Variants in SLC35F1 observed in about 807,000 individuals in gnomAD.
SLC35F1 encodes solute carrier family 35 member F1, also known as chromosome 6 open reading frame 169.
SLC35F1 carries 14 observed loss-of-function variants against 48.7 expected under a neutral mutation model. That is an observed-to-expected ratio of 0.29 (90% CI 0.19 to 0.45). The LOEUF (loss-of-function observed/expected upper bound fraction) is 0.45, where lower values mean the gene tolerates loss of function less well. Ranked by LOEUF, SLC35F1 falls within the 20% of genes least tolerant of loss-of-function variation. The pLI is 1.00. For synonymous variants in SLC35F1, 190 were observed against 202.2 expected (o/e 0.94, Z 0.51); for missense variants, 404 against 500.0 (o/e 0.81, Z 1.83).
At chr6:117,993,227 C>A (rs1301398297) in intron 1 of SLC35F1, among the ~76,000 whole-genome samples, 1 of 152,148 alleles carries the variant, frequency 6.6e-6, no homozygotes, top group Non-Finnish European at 1.5e-5. Flanking sequence ...GGAGCCTGAA[C>A]AGCAGCATCC....
At chr6:118,075,352 T>C (rs75140561) in intron 1 of SLC35F1, among the ~76,000 whole-genome samples, 2 of 152,364 alleles carry the variant, frequency 1.3e-5, no homozygotes, top group East Asian at 3.9e-4. Context: ...AAACTAGTGT[T>C]ATTTCCGAAA....
chr6:118,295,626 A>G (rs761484546), intron 7 of SLC35F1, among the ~76,000 whole-genome samples: 7 of 152,210 alleles, frequency 4.6e-5, no homozygotes, highest in Non-Finnish European at 1.0e-4. Flanking sequence ...GTGGCAGCTG[A>G]TGAGCATAAT....
intron 1 of SLC35F1, among the ~76,000 whole-genome samples, chr6:117,964,091 T>C (rs925065845): frequency 6.6e-6 from 1 of 152,218 alleles, no homozygotes; most frequent in African/African-American, 2.4e-5. Flanking sequence ...TTTCTGTTCT[T>C]GTGTTAGTTT....
At chr6:118,242,592 G>A (rs1046828826) in intron 3 of SLC35F1, among the ~76,000 whole-genome samples, 1 of 152,194 alleles carries the variant, frequency 6.6e-6, no homozygotes, top group Non-Finnish European at 1.5e-5. Context: ...AGATTGTGCT[G>A]TGACTTTGAG....
At chr6:118,148,855 T>A (rs1774013723) in intron 1 of SLC35F1, among the ~76,000 whole-genome samples, 1 of 152,196 alleles carries the variant, frequency 6.6e-6, no homozygotes, top group Non-Finnish European at 1.5e-5. Flanking sequence ...AGCTTATTAA[T>A]CTCAATGTCT....
At chr6:118,051,100 G>A (rs1014788121) in intron 1 of SLC35F1, among the ~76,000 whole-genome samples, 1 of 152,100 alleles carries the variant, frequency 6.6e-6, no homozygotes, top group Non-Finnish European at 1.5e-5. Flanking sequence ...CTAAATAAGT[G>A]TAGGAAATGA....
intron 1 of SLC35F1, among the ~76,000 whole-genome samples, chr6:118,130,015 G>C (rs1365780719): frequency 6.6e-6 from 1 of 152,112 alleles, no homozygotes; most frequent in East Asian, 1.9e-4. Context: ...TTAGGTTATG[G>C]CTTCTAAACT....
At chr6:118,105,258 T>A (rs11967448) in intron 1 of SLC35F1, among the ~76,000 whole-genome samples, 10,505 of 152,198 alleles carry the variant, frequency 0.069, 996 homozygotes, top group African/African-American at 0.21. Flanking sequence ...TGGTAATTGG[T>A]TCACAAGCCT....
At chr6:118,189,439 C>T (rs1774702819) in intron 2 of SLC35F1, among the ~76,000 whole-genome samples, 1 of 152,060 alleles carries the variant, frequency 6.6e-6, no homozygotes, top group African/African-American at 2.4e-5. Context: ...AGGTACTTTG[C>T]CCATTTTTAA....
chr6:117,970,342 A>T (rs182848273), intron 1 of SLC35F1, among the ~76,000 whole-genome samples: 1 of 152,368 alleles, frequency 6.6e-6, no homozygotes, highest in Non-Finnish European at 1.5e-5. Context: ...AGCCTCTGTT[A>T]TTCATGACAA....
At chr6:117,908,726 A>T (rs1394532326) in intron 1 of SLC35F1, among the ~76,000 whole-genome samples, 1 of 152,194 alleles carries the variant, frequency 6.6e-6, no homozygotes, top group Non-Finnish European at 1.5e-5. Context: ...TGTGAAAGGG[A>T]CTTTTTCTAC....
intron 1 of SLC35F1, among the ~76,000 whole-genome samples, chr6:118,078,987 G>T (rs1772866092): frequency 1.3e-5 from 2 of 152,108 alleles, no homozygotes; most frequent in East Asian, 1.9e-4. Context: ...TGGTCCTTTT[G>T]TCAGGCCACT....
At chr6:118,210,980 T>C (rs1328897370) in intron 2 of SLC35F1, among the ~76,000 whole-genome samples, 1 of 152,086 alleles carries the variant, frequency 6.6e-6, no homozygotes, top group East Asian at 1.9e-4. Flanking sequence ...GTAATTAAGA[T>C]AAAAAGAGGT....
chr6:118,074,839 T>C (rs562325439), intron 1 of SLC35F1, among the ~76,000 whole-genome samples: 1 of 152,296 alleles, frequency 6.6e-6, no homozygotes, highest in East Asian at 1.9e-4. Flanking sequence ...AGATGGGGTC[T>C]CACTATATTG....
intron 1 of SLC35F1, among the ~76,000 whole-genome samples, chr6:118,126,044 A>G (rs959430054): frequency 1.3e-5 from 2 of 152,310 alleles, no homozygotes; most frequent in Admixed American, 1.3e-4. Flanking sequence ...TTTTTTAAAA[A>G]TAAATTCAGA....
chr6:118,190,541 T>C (rs1774718150), intron 2 of SLC35F1, among the ~76,000 whole-genome samples: 1 of 152,178 alleles, frequency 6.6e-6, no homozygotes, highest in African/African-American at 2.4e-5. Context: ...GATTTTGGGT[T>C]TCTAGTCTCA....
chr6:117,907,506 G>T lies in SLC35F1; in HGVS notation c.-221G>T, dbSNP rs965861792. 6.8e-5 allele frequency: 19 copies of T among 277,586 alleles called. No individual in the cohort carries two copies. The highest frequency in any genetic ancestry group is 1.1e-4 in the Non-Finnish European group (17 of 151,042). 17.2% of individuals were successfully genotyped at this position (277,586 alleles called of 1,614,324 possible). Reference sequence around the variant, plus strand: ...GGCGGGCGGCGGCGGCGGCGGCACGGGCGCGAGGGTGCGCGCACTGGGACT... The same window carrying T: ...GGCGGGCGGCGGCGGCGGCGGCACGTGCGCGAGGGTGCGCGCACTGGGACT... On this transcript the variant is annotated 5_prime_UTR_variant, in exon 1 of 8. Transcript: ENST00000360388.
At chr6:118,237,626 G>A (rs1775382482) in intron 3 of SLC35F1, among the ~76,000 whole-genome samples, 1 of 152,144 alleles carries the variant, frequency 6.6e-6, no homozygotes, top group African/African-American at 2.4e-5. Flanking sequence ...CTGGGCTCAA[G>A]AGATCCGCCC....
At chr6:118,052,732 GA>G (rs761442285) in intron 1 of SLC35F1, among the ~76,000 whole-genome samples, 1 of 151,966 alleles carries the variant, frequency 6.6e-6, no homozygotes, top group African/African-American at 2.4e-5. Context: ...GTTTATTTGT[GA>G]AAAAAATAAC....
Sources: allele counts gnomAD v4.1 joint callset (sites outside exome capture counted in the v4.1 genomes callset), GRCh38; gene constraint gnomAD v4.1.1; transcripts MANE v1.5; gene names NCBI Gene and HGNC (gene_info 2026-07-23, HGNC 2026-07-21).